WDR64: variants seen among roughly 807,000 people sequenced by gnomAD.
WDR64 encodes the protein WD repeat domain 64.
Under a neutral mutation model 139.3 loss-of-function variants are expected in WDR64, and 112 were observed. That is an observed-to-expected ratio of 0.80 (90% CI 0.69 to 0.94). The LOEUF is 0.94. Among genes scored for constraint, WDR64 ranks in the 40% least tolerant of loss-of-function variants. The pLI is 0.00. For synonymous variants in WDR64, 444 were observed against 437.7 expected (o/e 1.01, Z -0.18); for missense variants, 1,206 against 1,293.1 (o/e 0.93, Z 1.03).
At chr1:241,731,251 G>A (rs1480171255) in intron 10 of WDR64, among the ~76,000 whole-genome samples, 1 of 152,048 alleles carries the variant, frequency 6.6e-6, no homozygotes. Flanking sequence ...GTGCATGCCT[G>A]CAGTCCCAGC....
chr1:241,765,385 GA>G (rs1178791984), intron 15 of WDR64, among the ~76,000 whole-genome samples: 4 of 151,832 alleles, frequency 2.6e-5, no homozygotes, highest in Non-Finnish European at 4.4e-5. Context: ...AGAAACAGTT[GA>G]AAAAAAATGT....
intron 15 of WDR64, among the ~76,000 whole-genome samples, chr1:241,763,813 G>A (rs899894536): frequency 1.3e-5 from 2 of 152,174 alleles, no homozygotes; most frequent in Admixed American, 6.6e-5. Flanking sequence ...ACCTGCCACC[G>A]TATCATGCAC....
intron 10 of WDR64, among the ~76,000 whole-genome samples, chr1:241,735,532 T>C (rs147476617): frequency 1.6e-3 from 127 of 78,946 alleles, no homozygotes; most frequent in African/African-American, 6.5e-3. Flanking sequence ...TCTCTCTCTC[T>C]CTTTTTTTTT....
intron 10 of WDR64, among the ~76,000 whole-genome samples, chr1:241,738,038 A>G (rs1669391933): frequency 6.6e-6 from 1 of 152,220 alleles, no homozygotes; most frequent in African/African-American, 2.4e-5. Context: ...TTAATTCAAC[A>G]GTAAGTCATG....
chr1:241,702,353 C>T (rs559947423), intron 8 of WDR64, among the ~76,000 whole-genome samples: 2 of 152,142 alleles, frequency 1.3e-5, no homozygotes, highest in Admixed American at 1.3e-4. Flanking sequence ...CTTCTTACCT[C>T]AGTTTCCCCA....
At chr1:241,711,983 T>G in intron 9 of WDR64, 102 bp downstream of exon 9, 1 of 1,100,154 alleles carries the variant, frequency 9.1e-7, no homozygotes, top group South Asian at 1.4e-5. Context: ...TTTACAAATT[T>G]GTATCAAGTC....
chr1:241,792,333 G>A (rs1027933183), intron 25 of WDR64, among the ~76,000 whole-genome samples: 3 of 152,078 alleles, frequency 2.0e-5, no homozygotes, highest in Non-Finnish European at 2.9e-5. Context: ...TCAGGAGATC[G>A]AGACCATCCT....
In WDR64 at chr1:241,652,393, G is replaced by T; in HGVS notation, c.-92G>T. ...TAGACCTAGGGCAAAAACTGAGACA[G>T]CAGGGAGGCACTGTAACAACTGGAA... On this transcript the variant is annotated 5_prime_UTR_variant, in exon 1 of 28. Transcript: ENST00000437684. The T allele has an allele frequency of 7.5e-7, 1 of 1,340,214 alleles. No individual in the cohort carries two copies. The highest frequency in any genetic ancestry group is 1.0e-6 in the Non-Finnish European group (1 of 990,876). 83.0% of individuals were successfully genotyped at this position (1,340,214 alleles called of 1,614,324 possible).
chr1:241,759,517 G>GT (rs1179248445), intron 15 of WDR64, among the ~76,000 whole-genome samples: 1 of 151,894 alleles, frequency 6.6e-6, no homozygotes, highest in Non-Finnish European at 1.5e-5. Flanking sequence ...AGTTCTTTTT[G>GT]TTTTTAAGTT....
At chr1:241,800,934 G>A (rs1202778248) in intron 27 of WDR64, among the ~76,000 whole-genome samples, 198 bp from the exon 28 acceptor site, 1 of 151,832 alleles carries the variant, frequency 6.6e-6, no homozygotes, top group African/African-American at 2.4e-5. Flanking sequence ...CTTGTCCACC[G>A]CATCCTTCAG....
At chr1:241,683,426 G>A in intron 6 of WDR64, 61 bp from the exon 7 acceptor site, 2 of 1,474,358 alleles carry the variant, frequency 1.4e-6, no homozygotes, top group South Asian at 1.3e-5. Context: ...CAAATAATAG[G>A]GGAAATATTT....
At position 241,687,585 on chromosome 1, in the gene WDR64, G is replaced by A. The variant is rs375175483; in HGVS notation, c.964G>A (p.Glu322Lys). The A allele has an allele frequency of 1.4e-5, 22 of 1,612,620 alleles. No individual in the cohort carries two copies. The highest frequency in any genetic ancestry group is 1.7e-4 in the Middle Eastern group (1 of 6,050). ...SLVLESLKRL[E>K]DNLPVREFSM... ...AGTTTTGGAATCCTTGAAGAGACTC[G>A]AGGATAATTTGTAAGTATAGTAATT... Residue 322 changes from glutamate to lysine, a missense_variant, in exon 8 of 28, where the codon GAG (glutamate) becomes AAG (lysine). Coordinates refer to ENST00000437684, the MANE Select transcript of WDR64 (RefSeq NM_001367482.1).
intron 5 of WDR64, among the ~76,000 whole-genome samples, chr1:241,678,677 T>C (rs2148096559): frequency 6.6e-6 from 1 of 152,072 alleles, no homozygotes; most frequent in African/African-American, 2.4e-5. Flanking sequence ...TTGCAGCAGA[T>C]GTTGTAAAGC....
rs773999902 is a variant in WDR64 at position 241,683,544 on chromosome 1, C to G, written c.682C>G (p.Pro228Ala). 1.9e-5 allele frequency: 30 copies of G among 1,551,542 alleles called. No homozygotes were observed. Among genetic ancestry groups the G allele is most frequent in the Non-Finnish European group, 2.4e-5 (28 of 1,146,998 alleles). Residue 228 changes from proline (P) to alanine (A), a missense_variant, in exon 7 of 28, where the codon CCT (proline) becomes GCT (alanine). Physicochemically the swap from Pro to Ala is conservative, Grantham distance 27. Transcript: ENST00000437684. ...DHCLLCVCVV[P>A]LPDHLCRDDI... The stretch of plus-strand genomic sequence containing the variant: ...CTGCCTCCTGTGTGTGTGTGTGGTG[C>G]CTTTGCCTGACCATCTCTGCCGAGA...
At chr1:241,761,297 T>C (rs1476872451) in intron 15 of WDR64, among the ~76,000 whole-genome samples, 1 of 152,172 alleles carries the variant, frequency 6.6e-6, no homozygotes, top group African/African-American at 2.4e-5. Flanking sequence ...AATTACATGA[T>C]GTAAAAATAG....
At chr1:241,715,625 T>C (rs1167857104) in intron 9 of WDR64, among the ~76,000 whole-genome samples, 1 of 152,180 alleles carries the variant, frequency 6.6e-6, no homozygotes, top group African/African-American at 2.4e-5. Context: ...TGAAACCCTT[T>C]GAAAAAGCAG....
At position 241,775,218 on chromosome 1, in the gene WDR64, A is replaced by G. The variant is rs1436917142; in HGVS notation, c.2536+8A>G. The G allele has an allele frequency of 2.6e-6, 4 of 1,547,000 alleles. No individual in the cohort carries two copies. The highest frequency in any genetic ancestry group is 3.5e-6 in the Non-Finnish European group (4 of 1,145,100). On this transcript the variant is annotated splice_region_variant and intron_variant, in intron 21 of 27. Coordinates refer to ENST00000437684, the MANE Select transcript of WDR64 (RefSeq NM_001367482.1). ...TACTGGCTGGAAATGTGGGTGAGTC[A>G]TTACTCTTAGACATTCAGTGACAGG...
intron 8 of WDR64, among the ~76,000 whole-genome samples, chr1:241,708,781 C>T (rs577088388): frequency 6.8e-6 from 1 of 147,054 alleles, no homozygotes; most frequent in African/African-American, 2.5e-5. Context: ...CTCAAGCGAT[C>T]CTCCTACCTC....
chr1:241,736,679 C>T (rs939782146), intron 10 of WDR64, among the ~76,000 whole-genome samples: 53 of 152,250 alleles, frequency 3.5e-4, no homozygotes, highest in African/African-American at 1.3e-3. Flanking sequence ...CTAAAACATA[C>T]AGGAAAGACC....
Sources: allele counts gnomAD v4.1 joint callset (sites outside exome capture counted in the v4.1 genomes callset), GRCh38; gene constraint gnomAD v4.1.1; transcripts MANE v1.5; gene names NCBI Gene and HGNC (gene_info 2026-07-23, HGNC 2026-07-21).